DNAH7: variants seen among roughly 807,000 people sequenced by gnomAD.
DNAH7 encodes axonemal beta dynein heavy chain 7.
DNAH7 carries 397 observed loss-of-function variants against 444.6 expected under a neutral mutation model. That is an observed-to-expected ratio of 0.89 (90% CI 0.82 to 0.97). The LOEUF is 0.97. Ranked by LOEUF, DNAH7 falls within the 50% of genes least tolerant of loss-of-function variation. The pLI is 0.00. For synonymous variants in DNAH7, 1,636 were observed against 1,624.4 expected, an observed-to-expected ratio of 1.01 and a Z score of -0.17; for missense variants, 4,902 against 4,800.8, an observed-to-expected ratio of 1.02 and a Z score of -0.62.
At chr2:195,867,917 G>A (rs966616872) in intron 40 of DNAH7, among the ~76,000 whole-genome samples, 3 of 152,038 alleles carry the variant, frequency 2.0e-5, no homozygotes, top group African/African-American at 7.2e-5. Context: ...GCATGGACAT[G>A]TATCAGTTCT....
intron 17 of DNAH7, among the ~76,000 whole-genome samples, chr2:195,967,715 T>G (rs1023862144): frequency 6.6e-6 from 1 of 152,220 alleles, no homozygotes; most frequent in African/African-American, 2.4e-5. Context: ...TGCAGTCAGA[T>G]GTGTTGGAGC....
intron 42 of DNAH7, among the ~76,000 whole-genome samples, chr2:195,860,528 G>A (rs1047514173): frequency 1.3e-5 from 2 of 152,052 alleles, no homozygotes; most frequent in Non-Finnish European, 2.9e-5. Context: ...TTCAAACACA[G>A]GGTTGTAGAC....
chr2:196,031,539 C>T lies in DNAH7; in HGVS notation c.399-3492G>A, dbSNP rs551004486. Among the ~76,000 whole-genome samples, 13 of 152,244 alleles carry T rather than the reference C, an allele frequency of 8.5e-5. No homozygotes were observed. The South Asian group carries it at 2.7e-3, about 32-fold the overall frequency. On this transcript the variant is annotated intron_variant, in intron 5 of 64. Transcript: ENST00000312428. ...TCGTCAGGCTGCAAATTTTTATGCA[C>T]TGCATCTCTTATGAAACTGAATGCC...
At chr2:195,798,166 A>AT (rs975772954) in intron 55 of DNAH7, among the ~76,000 whole-genome samples, 1 of 151,792 alleles carries the variant, frequency 6.6e-6, no homozygotes, top group Non-Finnish European at 1.5e-5. Flanking sequence ...GGCCTAGTAA[A>AT]TTTTTTTTAA....
chr2:196,067,061 A>G lies in DNAH7; in HGVS notation c.15+1636T>C, dbSNP rs901021141. On this transcript the variant is annotated intron_variant, in intron 1 of 64. Transcript: ENST00000312428. ...TAAGATCCCGCTGCCTCTTCAATAAATCACAACCTTTCTGGAGGGGGAGTG... is the reference window on the plus strand; with the variant it reads ...TAAGATCCCGCTGCCTCTTCAATAAGTCACAACCTTTCTGGAGGGGGAGTG... Among the ~76,000 whole-genome samples, 4 of 152,344 alleles carry G rather than the reference A, an allele frequency of 2.6e-5. No individual in the cohort carries two copies. In the East Asian group the frequency reaches 7.7e-4, roughly 29 times the overall value.
intron 28 of DNAH7, 116 bp downstream of exon 28, chr2:195,900,166 T>A: frequency 2.6e-6 from 3 of 1,142,384 alleles, no homozygotes; most frequent in East Asian, 4.8e-5. Flanking sequence ...GGTTTAATAA[T>A]TGATTTTTTT....
intron 59 of DNAH7, 131 bp from the exon 60 acceptor site, chr2:195,776,114 C>T: frequency 8.9e-7 from 1 of 1,120,406 alleles, no homozygotes; most frequent in Non-Finnish European, 1.2e-6. Flanking sequence ...ACATTGAGTG[C>T]TTTCACTTTC....
chr2:196,051,758 C>T (rs1021166817), intron 2 of DNAH7, among the ~76,000 whole-genome samples: 2 of 152,052 alleles, frequency 1.3e-5, no homozygotes, highest in Admixed American at 6.6e-5. Context: ...CAGAGCAACA[C>T]TCTGTCTCAA....
intron 25 of DNAH7, among the ~76,000 whole-genome samples, chr2:195,908,718 G>A (rs890141082): frequency 3.3e-5 from 5 of 151,834 alleles, no homozygotes; most frequent in Non-Finnish European, 7.4e-5. Context: ...TTTGCTATTG[G>A]GAATATTGCT....
At chr2:196,030,977 G>A (rs560182025) in intron 5 of DNAH7, among the ~76,000 whole-genome samples, 1 of 152,344 alleles carries the variant, frequency 6.6e-6, no homozygotes, top group East Asian at 1.9e-4. Flanking sequence ...ACTAGGCGGT[G>A]CCCCAGTAGG....
chr2:196,011,045 G>T (rs763095461), intron 10 of DNAH7, among the ~76,000 whole-genome samples: 11 of 152,054 alleles, frequency 7.2e-5, no homozygotes, highest in Non-Finnish European at 1.2e-4. Context: ...TGGTTAATAC[G>T]CACAAAAATA....
rs748812309 is a variant in DNAH7 at position 195,771,690 on chromosome 2, A to G, written c.11403T>C (p.Asp3801=). ...RFNKLLKTIR[D]SCVNIQKAIK... is the part of the protein sequence containing the mutation. ...TTGCTTTTTGAATATTTACGCACGA[A>G]TCTCTTATGGTCTTCAGTAACTTAT... Residue 3801 remains aspartate (D), a synonymous_variant, in exon 61 of 65, where the codon GAT becomes GAC. Coordinates refer to ENST00000312428, the MANE Select transcript of DNAH7 (RefSeq NM_018897.3). 2.5e-6 allele frequency: 4 copies of G among 1,613,760 alleles called. No individual in the cohort carries two copies. The highest frequency in any genetic ancestry group is 1.7e-5 in the Admixed American group (1 of 60,020).
intron 48 of DNAH7, 108 bp downstream of exon 48, chr2:195,834,098 T>G: frequency 2.6e-6 from 3 of 1,164,066 alleles, no homozygotes; most frequent in Non-Finnish European, 3.6e-6. Flanking sequence ...TCTCAGCTAC[T>G]TGGTAGGCTG....
rs76607196 is a variant in DNAH7 at position 196,005,199 on chromosome 2, G to A, written c.990-3341C>T. 5.5e-4 allele frequency among the ~76,000 whole-genome samples: 83 copies of A among 151,842 alleles called. 1 individual carries two copies. The East Asian group carries it at 0.01, about 19-fold the overall frequency. On this transcript the variant is annotated intron_variant, in intron 10 of 64. Transcript: ENST00000312428. ...TGAGGTGGGAAAATGGCATGAACCC[G>A]GGAGGCAGAGCTTGCGGTGAGCCAA...
rs186433996 is a variant in DNAH7, at chr2:195,799,429, C to T, written c.10220G>A (p.Arg3407His). The stretch of plus-strand genomic sequence containing the variant: ...AAAGGGGGGTGGTTCAATGAATGCA[C>T]GTCCCAATCTGTTGATTATAAATTC... ...LQEFIINRLGRAFIEPPPFDL... is the reference protein window; with the variant it reads ...LQEFIINRLGHAFIEPPPFDL... The change falls in exon 55 of 65, where the codon CGT (arginine) becomes CAT (histidine). Residue 3407 changes from arginine (R) to histidine (H), a missense_variant. Transcript: ENST00000312428. 108 of 1,606,806 alleles carry T rather than the reference C, an allele frequency of 6.7e-5. No individual in the cohort carries two copies. The highest frequency in any genetic ancestry group is 9.4e-5 in the African/African-American group (7 of 74,680).
intron 56 of DNAH7, 118 bp downstream of exon 56, chr2:195,796,458 C>A: frequency 8.2e-7 from 1 of 1,218,658 alleles, no homozygotes; most frequent in South Asian, 1.6e-5. Flanking sequence ...TGCAATCCAG[C>A]CAAAGCACTA....
At position 195,808,686 on chromosome 2, in the gene DNAH7, C is replaced by A; in HGVS notation, c.10079G>T (p.Ser3360Ile). 1 of 1,613,616 alleles carries A rather than the reference C, an allele frequency of 6.2e-7. No homozygotes were observed. The highest frequency in any genetic ancestry group is 8.5e-7 in the Non-Finnish European group (1 of 1,179,826). The change falls in exon 53 of 65, where the codon AGT becomes ATT. Residue 3360 changes from serine (S) to isoleucine (I), a missense_variant. Coordinates refer to ENST00000312428, the MANE Select transcript of DNAH7 (RefSeq NM_018897.3). ...LKDGWKKVYD[S>I]LEPHHEVFPE... is the part of the protein sequence containing the mutation. ...AGTGAGAGGGTTAAAACATACCAAACTATCATATACTTTCTTCCATCCATC... is the reference window on the plus strand; with the variant it reads ...AGTGAGAGGGTTAAAACATACCAAAATATCATATACTTTCTTCCATCCATC...
intron 61 of DNAH7, among the ~76,000 whole-genome samples, chr2:195,758,715 G>A (rs954309865): frequency 6.6e-6 from 1 of 152,194 alleles, no homozygotes; most frequent in Non-Finnish European, 1.5e-5. Flanking sequence ...GTGTGGCACT[G>A]AGAATCTGTC....
intron 15 of DNAH7, among the ~76,000 whole-genome samples, chr2:195,980,061 C>CAAAAAAAAAAAAAA (rs59664135): frequency 5.3e-5 from 4 of 75,058 alleles, no homozygotes; most frequent in Non-Finnish European, 5.4e-5. Context: ...CAAACTAATA[C>CAAAAAAAAAAAAAA]AAAAAAAAAA....
Sources: gnomAD v4.1 joint callset for allele counts (sites outside exome capture counted in the v4.1 genomes callset) on GRCh38, gnomAD v4.1.1 for gene constraint, MANE v1.5 for transcripts, NCBI Gene and HGNC (gene_info 2026-07-23, HGNC 2026-07-21) for gene names.